Variants in TRIM44 observed in about 807,000 individuals in gnomAD.
The protein encoded by TRIM44 is tripartite motif-containing protein 44.
Under a neutral mutation model 37.4 loss-of-function variants are expected in TRIM44, and 13 were observed. The observed-to-expected ratio is 0.35, with a 90% confidence interval of 0.23 to 0.55. The LOEUF is 0.55. Ranked by LOEUF, TRIM44 falls within the 20% of genes least tolerant of loss-of-function variation. The probability of loss-of-function intolerance (pLI) is 0.89; values close to 1 mark genes in which losing one functional copy is unlikely to be tolerated. For synonymous variants in TRIM44, 175 were observed against 157.2 expected, an observed-to-expected ratio of 1.11 and a Z score of -0.85; for missense variants, 426 against 437.2, an observed-to-expected ratio of 0.97 and a Z score of 0.23.
At chr11:35,704,476 G>A (rs977807171) in intron 2 of TRIM44, among the ~76,000 whole-genome samples, 13 of 152,126 alleles carry the variant, frequency 8.5e-5, no homozygotes, top group African/African-American at 3.1e-4. Context: ...CACCAAAGTT[G>A]AAATGAAGGA....
At chr11:35,778,519 C>T (rs931151928) in intron 4 of TRIM44, among the ~76,000 whole-genome samples, 2 of 152,152 alleles carry the variant, frequency 1.3e-5, no homozygotes, top group African/African-American at 4.8e-5. Flanking sequence ...AGCTGCGTTC[C>T]TTTAGAGGAG....
At chr11:35,769,526 T>G (rs1812879527) in intron 4 of TRIM44, among the ~76,000 whole-genome samples, 1 of 152,232 alleles carries the variant, frequency 6.6e-6, no homozygotes, top group Non-Finnish European at 1.5e-5. Context: ...ATGTGGAGAT[T>G]AACAGCATGG....
chr11:35,790,327 G>C (rs1853190660), intron 4 of TRIM44, among the ~76,000 whole-genome samples: 1 of 152,140 alleles, frequency 6.6e-6, no homozygotes, highest in South Asian at 2.1e-4. Context: ...TTTTAATAGG[G>C]ACTTTAGGCT....
At chr11:35,674,235 CGT>C (rs113167193) in intron 1 of TRIM44, among the ~76,000 whole-genome samples, 88 of 149,816 alleles carry the variant, frequency 5.9e-4, no homozygotes, top group African/African-American at 1.1e-3. Flanking sequence ...AGAGAATTTG[CGT>C]GTGTGTGTGT....
chr11:35,709,822 A>C (rs1851943456), intron 2 of TRIM44, among the ~76,000 whole-genome samples: 1 of 152,224 alleles, frequency 6.6e-6, no homozygotes, highest in South Asian at 2.1e-4. Context: ...CCATTTGTTT[A>C]AACAAAAACG....
At chr11:35,667,424 C>A (rs1196386001) in intron 1 of TRIM44, among the ~76,000 whole-genome samples, 3 of 152,226 alleles carry the variant, frequency 2.0e-5, no homozygotes, top group Non-Finnish European at 4.4e-5. Context: ...GGCTGGAATG[C>A]AGTGGTGGGA....
chr11:35,711,739 T>C (rs2135508408), intron 2 of TRIM44, among the ~76,000 whole-genome samples: 1 of 151,958 alleles, frequency 6.6e-6, no homozygotes, highest in South Asian at 2.1e-4. Context: ...CTGGGCAACA[T>C]AGTGAGATCC....
At chr11:35,799,838 G>A (rs1853342218) in intron 4 of TRIM44, among the ~76,000 whole-genome samples, 1 of 152,182 alleles carries the variant, frequency 6.6e-6, no homozygotes, top group Non-Finnish European at 1.5e-5. Context: ...AAGGCTCATA[G>A]GATAAAATAG....
chr11:35,740,184 T>C (rs1313906934), intron 4 of TRIM44, among the ~76,000 whole-genome samples: 1 of 151,570 alleles, frequency 6.6e-6, no homozygotes, highest in Non-Finnish European at 1.5e-5. Flanking sequence ...TTTACACTTT[T>C]GGCATCAATT....
intron 2 of TRIM44, among the ~76,000 whole-genome samples, chr11:35,695,774 A>C (rs976739700): frequency 6.6e-6 from 1 of 152,120 alleles, no homozygotes; most frequent in Non-Finnish European, 1.5e-5. Flanking sequence ...TAACATAATA[A>C]CCACAGTTAT....
At chr11:35,726,396 C>A (rs1275279880) in intron 3 of TRIM44, among the ~76,000 whole-genome samples, 1 of 152,078 alleles carries the variant, frequency 6.6e-6, no homozygotes, top group African/African-American at 2.4e-5. Context: ...TCAGTGGGGG[C>A]AGATACTAAT....
intron 4 of TRIM44, among the ~76,000 whole-genome samples, chr11:35,775,355 TAAG>T: frequency 6.6e-6 from 1 of 152,364 alleles, no homozygotes; most frequent in African/African-American, 2.4e-5. Flanking sequence ...CTTATCAGCT[TAAG>T]GAGATTTTGG....
At chr11:35,740,702 A>G (rs972407416) in intron 4 of TRIM44, among the ~76,000 whole-genome samples, 2 of 152,196 alleles carry the variant, frequency 1.3e-5, no homozygotes, top group African/African-American at 4.8e-5. Flanking sequence ...GACCTTGGGC[A>G]AGTCATTTAA....
intron 4 of TRIM44, among the ~76,000 whole-genome samples, chr11:35,764,512 G>A (rs575652677): frequency 1.2e-4 from 18 of 152,304 alleles, no homozygotes; most frequent in Non-Finnish European, 2.4e-4. Context: ...ATTAGCAAAA[G>A]TAGTACCTTG....
intron 4 of TRIM44, among the ~76,000 whole-genome samples, chr11:35,776,244 C>T (rs553337334): frequency 3.9e-5 from 6 of 152,206 alleles, no homozygotes; most frequent in Non-Finnish European, 8.8e-5. Context: ...TAGTTATTTG[C>T]GTGGAGTTGT....
intron 1 of TRIM44, among the ~76,000 whole-genome samples, chr11:35,675,756 G>A (rs753945049): frequency 1.3e-5 from 2 of 152,058 alleles, no homozygotes; most frequent in Non-Finnish European, 2.9e-5. Flanking sequence ...TCCTGACTTC[G>A]TGATCTACCC....
chr11:35,702,588 C>A (rs1851805678), intron 2 of TRIM44, among the ~76,000 whole-genome samples: 1 of 152,150 alleles, frequency 6.6e-6, no homozygotes, highest in Admixed American at 6.5e-5. Flanking sequence ...GGAAGTAAGA[C>A]CCTCCCTAAG....
intron 4 of TRIM44, among the ~76,000 whole-genome samples, chr11:35,755,532 G>T (rs1011334093): frequency 3.9e-5 from 6 of 151,958 alleles, no homozygotes; most frequent in East Asian, 1.9e-4. Flanking sequence ...GTCAATTTTG[G>T]CTTTTGTTGC....
intron 4 of TRIM44, among the ~76,000 whole-genome samples, 180 bp downstream of exon 4, chr11:35,735,625 T>C (rs1852318749): frequency 6.6e-6 from 1 of 152,218 alleles, no homozygotes; most frequent in African/African-American, 2.4e-5. Flanking sequence ...ATCTATGTCA[T>C]TTCCTGCCTG....
Sources: allele counts gnomAD v4.1 joint callset (sites outside exome capture counted in the v4.1 genomes callset), GRCh38; gene constraint gnomAD v4.1.1; transcripts MANE v1.5; gene names NCBI Gene and HGNC (gene_info 2026-07-23, HGNC 2026-07-21).